Variants in SPIDR observed in about 807,000 individuals in gnomAD.
The protein encoded by SPIDR is scaffold protein involved in DNA repair, also known as DNA repair-scaffolding protein.
Under a neutral mutation model 104.6 loss-of-function variants are expected in SPIDR, and 93 were observed. The observed-to-expected ratio is 0.89, with a 90% CI of 0.75 to 1.06. SPIDR has a LOEUF of 1.06. SPIDR is among the 50% of genes least tolerant of loss of function. SPIDR has a pLI of 0.00. For synonymous variants in SPIDR, 431 were observed against 416.9 expected (o/e 1.03, Z -0.41); for missense variants, 1,154 against 1,111.2 (o/e 1.04, Z -0.55).
chr8:47,562,309 G>A (rs1783817741), intron 8 of SPIDR, among the ~76,000 whole-genome samples: 1 of 152,218 alleles, frequency 6.6e-6, no homozygotes, highest in Non-Finnish European at 1.5e-5. Flanking sequence ...TATTACCTGT[G>A]TAACAGTTGG....
intron 8 of SPIDR, among the ~76,000 whole-genome samples, chr8:47,550,081 T>C (rs1449295340): frequency 6.6e-6 from 1 of 152,206 alleles, no homozygotes; most frequent in African/African-American, 2.4e-5. Context: ...GTTGTAGATG[T>C]GTGGTATTAT....
intron 8 of SPIDR, among the ~76,000 whole-genome samples, chr8:47,555,982 T>A (rs1289672165): frequency 6.6e-6 from 1 of 152,160 alleles, no homozygotes; most frequent in Non-Finnish European, 1.5e-5. Flanking sequence ...AAACTCTTAG[T>A]TTTCTAAGAT....
chr8:47,359,248 G>A (rs1157137375), intron 5 of SPIDR, among the ~76,000 whole-genome samples: 1 of 111,158 alleles, frequency 9.0e-6, no homozygotes, highest in Non-Finnish European at 1.9e-5. Context: ...GCGAGACTCC[G>A]TCTCAAAAAA....
At chr8:47,288,508 A>G (rs1586386787) in intron 3 of SPIDR, among the ~76,000 whole-genome samples, 1 of 152,134 alleles carries the variant, frequency 6.6e-6, no homozygotes, top group East Asian at 1.9e-4. Flanking sequence ...CTGGTCTTGA[A>G]CTTCTGACCT....
chr8:47,662,564 A>G (rs1035920023), intron 10 of SPIDR, among the ~76,000 whole-genome samples: 13 of 152,240 alleles, frequency 8.5e-5, no homozygotes, highest in African/African-American at 3.1e-4. Context: ...TCTTCAAGCA[A>G]ACTCCCCACA....
chr8:47,475,292 G>A (rs549607152), intron 8 of SPIDR, among the ~76,000 whole-genome samples: 92 of 152,268 alleles, frequency 6.0e-4, no homozygotes, highest in African/African-American at 2.0e-3. Flanking sequence ...TTTCTCCCAG[G>A]GCATGCCCTG....
intron 10 of SPIDR, among the ~76,000 whole-genome samples, chr8:47,631,997 T>A (rs919285286): frequency 6.6e-6 from 1 of 152,114 alleles, no homozygotes; most frequent in African/African-American, 2.4e-5. Context: ...GAGTCACAGA[T>A]GTAAAAGAGA....
intron 8 of SPIDR, among the ~76,000 whole-genome samples, chr8:47,490,638 C>T (rs1410858383): frequency 1.3e-5 from 2 of 152,166 alleles, no homozygotes; most frequent in Non-Finnish European, 2.9e-5. Flanking sequence ...AAATGTGGCA[C>T]ATATACACCA....
At chr8:47,645,712 A>G (rs916296860) in intron 10 of SPIDR, among the ~76,000 whole-genome samples, 4 of 152,212 alleles carry the variant, frequency 2.6e-5, no homozygotes, top group African/African-American at 9.6e-5. Flanking sequence ...CCAAATATAT[A>G]CAGGAACTTA....
At chr8:47,617,742 T>C (rs1475073441) in intron 10 of SPIDR, among the ~76,000 whole-genome samples, 2 of 152,210 alleles carry the variant, frequency 1.3e-5, no homozygotes, top group Non-Finnish European at 2.9e-5. Flanking sequence ...TGTCCTAAAA[T>C]ATCTGTATGA....
chr8:47,720,477 G>A (rs781045712), intron 16 of SPIDR, among the ~76,000 whole-genome samples: 18 of 152,206 alleles, frequency 1.2e-4, no homozygotes, highest in Non-Finnish European at 7.3e-5. Context: ...ATCCTCACCA[G>A]CATTTGGTGT....
intron 7 of SPIDR, among the ~76,000 whole-genome samples, chr8:47,437,681 A>C (rs1304427221): frequency 6.6e-6 from 1 of 152,016 alleles, no homozygotes; most frequent in East Asian, 1.9e-4. Flanking sequence ...AATCAAAACC[A>C]CAATGAGATA....
intron 8 of SPIDR, among the ~76,000 whole-genome samples, chr8:47,535,534 C>T (rs1214596178): frequency 6.6e-6 from 1 of 151,994 alleles, no homozygotes; most frequent in Non-Finnish European, 1.5e-5. Context: ...TCAAATCTAA[C>T]ACATATAAAA....
At chr8:47,711,142 T>C (rs2081828103) in intron 14 of SPIDR, among the ~76,000 whole-genome samples, 1 of 152,222 alleles carries the variant, frequency 6.6e-6, no homozygotes, top group African/African-American at 2.4e-5. Flanking sequence ...TTCATTTTGA[T>C]GCTCAATTTT....
At chr8:47,262,670 A>G (rs1237314121) in intron 1 of SPIDR, among the ~76,000 whole-genome samples, 1 of 152,238 alleles carries the variant, frequency 6.6e-6, no homozygotes, top group East Asian at 1.9e-4. Context: ...CAGAAGTGAC[A>G]TCCCATCTCC....
In SPIDR at chr8:47,567,657, G is replaced by A. The variant is rs182973196; in HGVS notation, c.1098-28154G>A. Among the ~76,000 whole-genome samples, 14 of 152,272 alleles carry A rather than the reference G, an allele frequency of 9.2e-5. No individual in the cohort carries two copies. The East Asian group carries it at 2.3e-3, about 25-fold the overall frequency. On this transcript the variant is annotated intron_variant, in intron 8 of 19. Transcript: ENST00000297423. ...AGAAGTGAGGTTAGTATGGTAGGAA[G>A]GGGCTGGCAATTAGGAGACAAACTT...
chr8:47,418,133 A>G (rs1554676803), intron 7 of SPIDR, among the ~76,000 whole-genome samples: 2 of 152,210 alleles, frequency 1.3e-5, no homozygotes. Flanking sequence ...TATGAACTTT[A>G]AAGTATTTTT....
chr8:47,345,555 T>G (rs185368280), intron 5 of SPIDR, among the ~76,000 whole-genome samples: 15 of 152,258 alleles, frequency 9.9e-5, no homozygotes, highest in African/African-American at 3.6e-4. Context: ...ACCTTGGGCA[T>G]TATGGCCATT....
At chr8:47,716,606 AG>A (rs1377669346) in intron 16 of SPIDR, among the ~76,000 whole-genome samples, 2 of 152,146 alleles carry the variant, frequency 1.3e-5, no homozygotes, top group Non-Finnish European at 2.9e-5. Flanking sequence ...GGGGCTTTGA[AG>A]CTCTGAGTCC....
Sources: gnomAD v4.1 joint callset for allele counts (sites outside exome capture counted in the v4.1 genomes callset) on GRCh38, gnomAD v4.1.1 for gene constraint, MANE v1.5 for transcripts, NCBI Gene and HGNC (gene_info 2026-07-23, HGNC 2026-07-21) for gene names.